The following FBXL20 variants were observed in gnomAD, a reference collection of about 807,000 sequenced individuals.
FBXL20 encodes the protein F-box and leucine rich repeat protein 20.
Under a neutral mutation model 64.0 loss-of-function variants are expected in FBXL20, and 11 were observed. That is an observed-to-expected ratio of 0.17 (90% CI 0.11 to 0.28). The LOEUF (loss-of-function observed/expected upper bound fraction) is 0.28, where lower values mean the gene tolerates loss of function less well. Ranked by LOEUF, FBXL20 falls within the 10% of genes least tolerant of loss-of-function variation. The pLI, the probability that FBXL20 is intolerant of heterozygous loss-of-function variation, is 1.00. For missense variants in FBXL20, 303 were observed against 526.2 expected (o/e 0.58, Z 4.15); for synonymous variants, 184 against 189.0 (o/e 0.97, Z 0.22).
At chr17:39,396,643 T>C (rs886689957) in intron 1 of FBXL20, among the ~76,000 whole-genome samples, 5 of 149,158 alleles carry the variant, frequency 3.4e-5, no homozygotes, top group African/African-American at 1.2e-4. Flanking sequence ...AGTTAGTTGC[T>C]AGCAAAAAAT....
At chr17:39,262,079 C>A (rs1409928311) in intron 14 of FBXL20, among the ~76,000 whole-genome samples, 1 of 151,900 alleles carries the variant, frequency 6.6e-6, no homozygotes, top group Non-Finnish European at 1.5e-5. Context: ...TGTAAGTAGG[C>A]ACGTAAGAGG....
chr17:39,378,810 T>C (rs1307272193), intron 1 of FBXL20, among the ~76,000 whole-genome samples: 1 of 151,402 alleles, frequency 6.6e-6, no homozygotes, highest in Non-Finnish European at 1.5e-5. Flanking sequence ...AGAGTTTCAC[T>C]ATGTTGGCCA....
chr17:39,308,712 C>G (rs963089653), intron 2 of FBXL20, among the ~76,000 whole-genome samples: 2 of 151,608 alleles, frequency 1.3e-5, no homozygotes, highest in Non-Finnish European at 2.9e-5. Flanking sequence ...CTACAGGCGC[C>G]GAACCACCAC....
intron 1 of FBXL20, among the ~76,000 whole-genome samples, chr17:39,398,333 G>A (rs1371669454): frequency 6.6e-6 from 1 of 152,002 alleles, no homozygotes; most frequent in African/African-American, 2.4e-5. Flanking sequence ...AGGTAACTGA[G>A]GTAAAACATC....
intron 6 of FBXL20, among the ~76,000 whole-genome samples, chr17:39,294,755 T>TA (rs1405661372): frequency 2.0e-5 from 3 of 151,818 alleles, no homozygotes; most frequent in Non-Finnish European, 4.4e-5. Flanking sequence ...CTCACGCCTG[T>TA]AATCCCAGCA....
At chr17:39,271,148 G>C (rs924484307) in intron 10 of FBXL20, among the ~76,000 whole-genome samples, 2 of 152,126 alleles carry the variant, frequency 1.3e-5, no homozygotes, top group African/African-American at 4.8e-5. Flanking sequence ...TGCATTAAAA[G>C]CCTTCTTGAT....
chr17:39,258,364 A>G lies in FBXL20; in HGVS notation c.*3096T>C, dbSNP rs2046713338. 6.6e-6 allele frequency: 1 copy of G among 152,226 alleles called. No homozygotes were observed. The highest frequency in any genetic ancestry group is 1.5e-5 in the Non-Finnish European group (1 of 68,034). 9.4% of individuals were successfully genotyped at this position (152,226 alleles called of 1,614,324 possible). On this transcript the variant is annotated 3_prime_UTR_variant, in exon 15 of 15. Transcript: ENST00000264658. ...CATCAGCTGGTGTAGGCTGCAAATC[A>G]GCATAAAAAAATGTATTTCCTTCCA... is the stretch of plus-strand genomic sequence containing the variant.
At chr17:39,296,933 T>G (rs2047091479) in intron 6 of FBXL20, among the ~76,000 whole-genome samples, 194 bp downstream of exon 6, 1 of 152,198 alleles carries the variant, frequency 6.6e-6, no homozygotes, top group Non-Finnish European at 1.5e-5. Context: ...CACCTTAAAT[T>G]GTATCAAAGA....
At chr17:39,365,491 AACAG>A (rs1276369944) in intron 1 of FBXL20, among the ~76,000 whole-genome samples, 2 of 152,208 alleles carry the variant, frequency 1.3e-5, no homozygotes, top group Non-Finnish European at 2.9e-5. Context: ...ACATTTAGCT[AACAG>A]ACACATTACT....
chr17:39,309,080 T>A (rs970324017), intron 2 of FBXL20, among the ~76,000 whole-genome samples: 29 of 152,248 alleles, frequency 1.9e-4, no homozygotes, highest in African/African-American at 3.1e-4. Flanking sequence ...CCATTTTTTT[T>A]AAAAAGGGTC....
At chr17:39,278,579 G>T (rs1414470237) in intron 9 of FBXL20, among the ~76,000 whole-genome samples, 2 of 146,154 alleles carry the variant, frequency 1.4e-5, no homozygotes, top group Non-Finnish European at 3.0e-5. Flanking sequence ...ATGGAGTCTG[G>T]CTGTGTCGCC....
intron 6 of FBXL20, among the ~76,000 whole-genome samples, chr17:39,290,064 TTTTAAAATTTTCTTTTCTCTAATTTTTG>T (rs1198527948): frequency 1.3e-5 from 2 of 151,662 alleles, no homozygotes; most frequent in Non-Finnish European, 2.9e-5. Flanking sequence ...ACTTAAGTCT[TTTTAAAATTTTCTTTTCTCTAATTTTTG>T]TTAGTGATCA....
intron 2 of FBXL20, among the ~76,000 whole-genome samples, chr17:39,324,008 A>ACCCCCCCCCCCC (rs138382317): frequency 2.7e-4 from 35 of 129,034 alleles, no homozygotes; most frequent in African/African-American, 6.2e-4. Flanking sequence ...TCGTGATCCA[A>ACCCCCCCCCCCC]CCCCCTCCCC....
intron 1 of FBXL20, among the ~76,000 whole-genome samples, chr17:39,390,574 A>T (rs2048124584): frequency 6.6e-6 from 1 of 151,760 alleles, no homozygotes; most frequent in Non-Finnish European, 1.5e-5. Flanking sequence ...AAAAAAAAAA[A>T]AAAATAGCCA....
At chr17:39,357,093 G>A (rs1258410738) in intron 1 of FBXL20, among the ~76,000 whole-genome samples, 1 of 151,396 alleles carries the variant, frequency 6.6e-6, no homozygotes, top group Admixed American at 6.6e-5. Flanking sequence ...GACCAACATG[G>A]AGAAACCTCG....
At chr17:39,301,239 T>C (rs1463970798) in intron 3 of FBXL20, among the ~76,000 whole-genome samples, 164 bp from the exon 4 acceptor site, 2 of 152,192 alleles carry the variant, frequency 1.3e-5, no homozygotes, top group Non-Finnish European at 2.9e-5. Context: ...TCCTGACCCA[T>C]ATTGTATTCT....
intron 12 of FBXL20, among the ~76,000 whole-genome samples, chr17:39,267,505 GA>G (rs965193885): frequency 1.3e-5 from 2 of 152,134 alleles, no homozygotes; most frequent in African/African-American, 4.8e-5. Context: ...AGTGCTCTAT[GA>G]AAAAAATTAA....
chr17:39,336,989 C>T (rs2047528829), intron 2 of FBXL20, among the ~76,000 whole-genome samples: 2 of 151,942 alleles, frequency 1.3e-5, no homozygotes, highest in Admixed American at 6.6e-5. Flanking sequence ...TCCCTCTCCC[C>T]ACGGTCTTCC....
chr17:39,347,904 A>G (rs2047649636), intron 1 of FBXL20, among the ~76,000 whole-genome samples: 1 of 152,082 alleles, frequency 6.6e-6, no homozygotes, highest in Admixed American at 6.6e-5. Context: ...TCAGCTTTCT[A>G]CATATGGCAA....
Sources: gnomAD v4.1 joint callset for allele counts (sites outside exome capture counted in the v4.1 genomes callset) on GRCh38, gnomAD v4.1.1 for gene constraint, MANE v1.5 for transcripts, NCBI Gene and HGNC (gene_info 2026-07-23, HGNC 2026-07-21) for gene names.